The following CAV3 variants were observed in gnomAD, a reference collection of about 807,000 sequenced individuals.
CAV3 encodes the protein caveolin-3.
Under a neutral mutation model 13.4 loss-of-function variants are expected in CAV3, and 10 were observed. The observed-to-expected ratio is 0.75, with a 90% CI of 0.46 to 1.27. The LOEUF (loss-of-function observed/expected upper bound fraction) is 1.27, where lower values mean the gene tolerates loss of function less well. Among genes scored for constraint, CAV3 ranks in the 50% most tolerant of loss-of-function variants. The pLI, the probability that CAV3 is intolerant of heterozygous loss-of-function variation, is 0.00. For synonymous variants in CAV3, 90 were observed against 79.0 expected, an observed-to-expected ratio of 1.14 and a Z score of -0.74; for missense variants, 162 against 194.0, an observed-to-expected ratio of 0.83 and a Z score of 0.98.
Position 8,737,465 on chromosome 3 carries a change from G to A in CAV3, c.114+3475G>A, listed in dbSNP as rs116318519. On this transcript the variant is annotated intron_variant, in intron 1 of 1. Transcript: ENST00000343849. Reference sequence around the variant, plus strand: ...TCCATGGATTTGACCCCCAGTAGAGGGGAGGCACCCCTTTTTGGCCCTGCC... The same window carrying A: ...TCCATGGATTTGACCCCCAGTAGAGAGGAGGCACCCCTTTTTGGCCCTGCC... 1.9e-3 allele frequency among the ~76,000 whole-genome samples: 295 copies of A among 152,220 alleles called. 1 individual carries two copies. The highest frequency in any genetic ancestry group is 6.6e-3 in the African/African-American group (273 of 41,540).
chr3:8,745,486 G>A lies in CAV3; in HGVS notation c.115-40G>A, dbSNP rs374219720. 110 of 1,168,678 alleles carry A rather than the reference G, an allele frequency of 9.4e-5. No homozygotes were observed. The highest frequency in any genetic ancestry group is 1.3e-4 in the Non-Finnish European group (102 of 794,278). The allele number at this position is 1,168,678 out of a possible 1,614,324, so 72.4% of individuals were successfully genotyped here. ...ACACCCAAAAGCTTGAGAAGCGGGT[G>A]GCTTCTGTGAGTTGAGGCTTCCCCT... On this transcript the variant is annotated intron_variant, in intron 1 of 1. Coordinates refer to ENST00000343849, the MANE Select transcript of CAV3 (RefSeq NM_033337.3). This position sits in a 1 kb window ranked among gnomAD's most constrained non-coding sequence, Gnocchi z 4.8.
At chr3:8,741,312 T>A (rs237878) in intron 1 of CAV3, among the ~76,000 whole-genome samples, 2 of 152,016 alleles carry the variant, frequency 1.3e-5, no homozygotes, top group Admixed American at 6.5e-5. Context: ...TCAATAAACA[T>A]AAAATTACTG....
At chr3:8,740,441 C>T (rs1344886666) in intron 1 of CAV3, among the ~76,000 whole-genome samples, 2 of 152,110 alleles carry the variant, frequency 1.3e-5, no homozygotes, top group Non-Finnish European at 2.9e-5. Context: ...CCAATATGCA[C>T]CAAATTTCTT....
chr3:8,734,130 C>A (rs762606560), intron 1 of CAV3, 140 bp downstream of exon 1: 19 of 670,904 alleles, frequency 2.8e-5, no homozygotes, highest in Non-Finnish European at 4.1e-5. Context: ...TATCACCCCC[C>A]CAACCCCACC....
chr3:8,734,863 C>T (rs535916989), intron 1 of CAV3, among the ~76,000 whole-genome samples: 1 of 152,266 alleles, frequency 6.6e-6, no homozygotes, highest in South Asian at 2.1e-4. Flanking sequence ...GGACCACAGG[C>T]GAGTGCCACC....
intron 1 of CAV3, among the ~76,000 whole-genome samples, chr3:8,736,385 A>AC (rs1441616497): frequency 6.6e-6 from 1 of 152,226 alleles, no homozygotes; most frequent in African/African-American, 2.4e-5. Context: ...AGTCCCTGGC[A>AC]CCCAGCAAGG....
chr3:8,738,556 G>A (rs750722663), intron 1 of CAV3, among the ~76,000 whole-genome samples: 7 of 152,350 alleles, frequency 4.6e-5, no homozygotes, highest in African/African-American at 9.6e-5. Context: ...TAGGTGTCAT[G>A]GGAGGTTAGG....
chr3:8,745,828 C>T lies in CAV3; in HGVS notation c.417C>T (p.Val139=), dbSNP rs147250678. ...CACTCTTCGCGGCCCTGGGCCAGGT[C>T]TGCAGCAGCATCAAGGTGGTGCTGC... ...CNPLFAALGQ[V]CSSIKVVLRK... The change falls in exon 2 of 2, where the codon GTC becomes GTT. Residue 139 remains valine (V), a synonymous_variant. Coordinates refer to ENST00000343849, the MANE Select transcript of CAV3 (RefSeq NM_033337.3). The surrounding 1 kb of genome is among the most constrained non-coding windows in gnomAD (Gnocchi z 4.8). 626 of 1,613,698 alleles carry T rather than the reference C, an allele frequency of 3.9e-4. 1 individual carries two copies. The highest frequency in any genetic ancestry group is 1.2e-3 in the Middle Eastern group (7 of 6,062).
chr3:8,744,445 ATTTTTTTTTTTTT>A (rs141816229), intron 1 of CAV3, among the ~76,000 whole-genome samples: 1 of 111,408 alleles, frequency 9.0e-6, no homozygotes, highest in Admixed American at 9.9e-5. Context: ...TACCCGGCTA[ATTTTTTTTTTTTT>A]TTTTTTTTTT....
intron 1 of CAV3, among the ~76,000 whole-genome samples, chr3:8,744,322 A>T (rs1021000993): frequency 7.4e-6 from 1 of 135,586 alleles, no homozygotes; most frequent in East Asian, 2.1e-4. Flanking sequence ...TCTGTCACCC[A>T]GGCTGGAGTG....
chr3:8,741,137 C>T (rs997101584), intron 1 of CAV3, among the ~76,000 whole-genome samples: 5 of 152,184 alleles, frequency 3.3e-5, no homozygotes, highest in Non-Finnish European at 7.3e-5. Flanking sequence ...TTACTTCCTA[C>T]TTTGTAGGCC....
At chr3:8,740,318 C>G (rs1004779131) in intron 1 of CAV3, among the ~76,000 whole-genome samples, 10 of 152,118 alleles carry the variant, frequency 6.6e-5, no homozygotes, top group African/African-American at 2.4e-4. Flanking sequence ...GGACAAACAC[C>G]GAGAAGCATG....
At chr3:8,743,140 G>A (rs958834274) in intron 1 of CAV3, among the ~76,000 whole-genome samples, 2 of 152,060 alleles carry the variant, frequency 1.3e-5, no homozygotes, top group East Asian at 1.9e-4. Context: ...CATGGTGAAG[G>A]GTCCGCCCCC....
chr3:8,735,674 G>A (rs545986835), intron 1 of CAV3, among the ~76,000 whole-genome samples: 6 of 152,164 alleles, frequency 3.9e-5, no homozygotes, highest in African/African-American at 1.2e-4. Flanking sequence ...GCCTCTCCAC[G>A]TGGCTGTCCA....
chr3:8,746,477 A>G lies in CAV3; in HGVS notation c.*610A>G, dbSNP rs1708165920. 6.6e-6 allele frequency: 1 copy of G among 152,416 alleles called. No individual in the cohort carries two copies. Among genetic ancestry groups the G allele is most frequent in the South Asian group, 2.1e-4 (1 of 4,830 alleles). 9.4% of individuals were successfully genotyped at this position (152,416 alleles called of 1,614,324 possible). ...TGGAACCGTACACGTTCCTTGGAAG[A>G]TCATGTTTAAGTGACTCCTGTTGCC... On this transcript the variant is annotated 3_prime_UTR_variant, in exon 2 of 2. Transcript: ENST00000343849.
intron 1 of CAV3, among the ~76,000 whole-genome samples, chr3:8,739,382 G>A (rs1321621874): frequency 6.6e-6 from 1 of 151,982 alleles, no homozygotes; most frequent in Non-Finnish European, 1.5e-5. Flanking sequence ...GGAGGCCAAG[G>A]CAGGTGGATC....
chr3:8,734,976 G>C (rs916813337), intron 1 of CAV3, among the ~76,000 whole-genome samples: 1 of 152,166 alleles, frequency 6.6e-6, no homozygotes. Context: ...GCCTCCCAAA[G>C]TGCTGGGATT....
At chr3:8,734,845 A>C (rs898804271) in intron 1 of CAV3, among the ~76,000 whole-genome samples, 1 of 152,048 alleles carries the variant, frequency 6.6e-6, no homozygotes, top group Non-Finnish European at 1.5e-5. Context: ...CCACCTCCTG[A>C]TTAGCTGGGA....
At chr3:8,734,600 C>T (rs1028930721) in intron 1 of CAV3, among the ~76,000 whole-genome samples, 2 of 152,216 alleles carry the variant, frequency 1.3e-5, no homozygotes, top group Admixed American at 1.3e-4. Context: ...GTTGTCTAGC[C>T]CTCAGGGAGT....
Sources: gnomAD v4.1 joint callset for allele counts (sites outside exome capture counted in the v4.1 genomes callset) on GRCh38, gnomAD v4.1.1 for gene constraint, Gnocchi (gnomAD v3.1) non-coding constraint, MANE v1.5 for transcripts, NCBI Gene and HGNC (gene_info 2026-07-23, HGNC 2026-07-21) for gene names.